FOXO1: variants seen among roughly 807,000 people sequenced by gnomAD.
The protein encoded by FOXO1 is forkhead box O1.
A neutral mutation model predicts 44.1 loss-of-function variants in FOXO1; 6 were observed. The ratio of observed to expected loss-of-function variants is 0.14; its 90% CI spans 0.07 to 0.27. The LOEUF (loss-of-function observed/expected upper bound fraction) is 0.27, where lower values mean the gene tolerates loss of function less well. Among genes scored for constraint, FOXO1 ranks in the 10% least tolerant of loss-of-function variants. The pLI is 1.00. For synonymous variants in FOXO1, 380 were observed against 362.7 expected, an observed-to-expected ratio of 1.05 and a Z score of -0.54; for missense variants, 737 against 888.8, an observed-to-expected ratio of 0.83 and a Z score of 2.17.
chr13:40,578,083 T>A (rs1874828322), intron 1 of FOXO1, among the ~76,000 whole-genome samples: 1 of 152,122 alleles, frequency 6.6e-6, no homozygotes. Context: ...TCAATTGCCA[T>A]CTAGTAAAAG....
At chr13:40,566,869 A>G (rs1224946784) in intron 1 of FOXO1, among the ~76,000 whole-genome samples, 1 of 152,208 alleles carries the variant, frequency 6.6e-6, no homozygotes, top group Non-Finnish European at 1.5e-5. Flanking sequence ...TGAAGGCCCA[A>G]TAAAGATGAT....
In FOXO1 at chr13:40,664,269, C is replaced by T. The variant is rs61224310; in HGVS notation, c.630+1314G>A. Among the ~76,000 whole-genome samples, 866 of 152,320 alleles carry T rather than the reference C, an allele frequency of 5.7e-3. 7 individuals are homozygous for T. Among genetic ancestry groups the T allele is most frequent in the African/African-American group, 0.02 (828 of 41,574 alleles). ...GCCTGGCGACAGAGCGAGACTCCGT[C>T]TCGGAGGAGGGGAGGGAGGTGTTTA... is the stretch of plus-strand genomic sequence containing the variant. On this transcript the variant is annotated intron_variant, in intron 1 of 2. Transcript: ENST00000379561.
At position 40,666,252 on chromosome 13, in the gene FOXO1, A is replaced by G; in HGVS notation, c.-40T>C. ...CTCCCCCAGCCGCAGGAGAGCCAAG[A>G]GGGGGAGAACGCAGCACTGGGGGCG... On this transcript the variant is annotated 5_prime_UTR_variant, in exon 1 of 3. Coordinates refer to ENST00000379561, the MANE Select transcript of FOXO1 (RefSeq NM_002015.4). 1 of 1,359,752 alleles carries G rather than the reference A, an allele frequency of 7.4e-7. No homozygotes were observed. Among genetic ancestry groups the G allele is most frequent in the Non-Finnish European group, 9.5e-7 (1 of 1,055,316 alleles). The allele number at this position is 1,359,752 out of a possible 1,614,324, so 84.2% of individuals were successfully genotyped here.
intron 1 of FOXO1, among the ~76,000 whole-genome samples, chr13:40,630,252 G>A (rs908425540): frequency 4.6e-5 from 7 of 152,050 alleles, no homozygotes; most frequent in Admixed American, 1.3e-4. Flanking sequence ...AGAAAATCTC[G>A]GTGTCGTTTA....
At chr13:40,664,731 C>G (rs1878162727) in intron 1 of FOXO1, among the ~76,000 whole-genome samples, 1 of 152,162 alleles carries the variant, frequency 6.6e-6, no homozygotes, top group African/African-American at 2.4e-5. Flanking sequence ...CATGGAGAAA[C>G]GCTGGCCCCA....
At chr13:40,569,848 T>C (rs1391354583) in intron 1 of FOXO1, among the ~76,000 whole-genome samples, 1 of 152,108 alleles carries the variant, frequency 6.6e-6, no homozygotes, top group Non-Finnish European at 1.5e-5. Context: ...TGGCCTCAAC[T>C]GATCCTCCCA....
chr13:40,580,286 G>A (rs1229221042), intron 1 of FOXO1, among the ~76,000 whole-genome samples: 1 of 152,070 alleles, frequency 6.6e-6, no homozygotes, highest in Non-Finnish European at 1.5e-5. Context: ...CAAATAATAA[G>A]TTGTAGTTTG....
intron 1 of FOXO1, among the ~76,000 whole-genome samples, chr13:40,601,624 T>C (rs1332726440): frequency 6.6e-6 from 1 of 152,238 alleles, no homozygotes; most frequent in Admixed American, 6.5e-5. Context: ...ATATTGATCC[T>C]GCAATATAAT....
At chr13:40,650,438 G>A (rs1453937117) in intron 1 of FOXO1, among the ~76,000 whole-genome samples, 1 of 152,198 alleles carries the variant, frequency 6.6e-6, no homozygotes, top group Non-Finnish European at 1.5e-5. Flanking sequence ...TCAAAATGGA[G>A]TTGCTCTGGT....
At chr13:40,633,720 T>C (rs980614928) in intron 1 of FOXO1, among the ~76,000 whole-genome samples, 4 of 152,300 alleles carry the variant, frequency 2.6e-5, no homozygotes, top group South Asian at 2.1e-4. Flanking sequence ...AACTATTGAA[T>C]TGTACTCTTT....
At chr13:40,570,315 A>T (rs998172470) in intron 1 of FOXO1, among the ~76,000 whole-genome samples, 38 of 152,002 alleles carry the variant, frequency 2.5e-4, no homozygotes, top group African/African-American at 8.2e-4. Flanking sequence ...TCTCCAAAAA[A>T]AAAAATAAAA....
rs913937224 is a variant in FOXO1, at chr13:40,608,029, G to A, written c.631-47169C>T. On this transcript the variant is annotated intron_variant, in intron 1 of 2. Transcript: ENST00000379561. Reference sequence around the variant, plus strand: ...ATGTCTCTCATGGTGTGTTACATTCGGTCCAACATCCATATGAAAAACTGA... The same window carrying A: ...ATGTCTCTCATGGTGTGTTACATTCAGTCCAACATCCATATGAAAAACTGA... 1.1e-4 allele frequency among the ~76,000 whole-genome samples: 14 copies of A among 128,018 alleles called. No homozygotes were observed. In the Admixed American group the frequency reaches 1.1e-3, roughly 10 times the overall value. 84.0% of individuals were successfully genotyped at this position (128,018 alleles called of 152,430 possible). A position where few individuals can be genotyped will look rare whatever the true frequency, so the allele number is the denominator to read the frequency against.
intron 1 of FOXO1, among the ~76,000 whole-genome samples, chr13:40,569,159 T>C (rs945913378): frequency 6.6e-6 from 1 of 152,232 alleles, no homozygotes; most frequent in Non-Finnish European, 1.5e-5. Context: ...TAGGAGATTA[T>C]GCTTGCATGT....
At chr13:40,591,804 C>G (rs982012029) in intron 1 of FOXO1, among the ~76,000 whole-genome samples, 1 of 152,104 alleles carries the variant, frequency 6.6e-6, no homozygotes, top group African/African-American at 2.4e-5. Context: ...CAGGTCCAAG[C>G]AATTCTCATA....
intron 1 of FOXO1, among the ~76,000 whole-genome samples, chr13:40,594,676 C>T (rs1019328119): frequency 1.3e-5 from 2 of 152,246 alleles, no homozygotes; most frequent in East Asian, 1.9e-4. Flanking sequence ...TTCTCTCCTC[C>T]ATGCCATCTA....
chr13:40,664,456 G>T (rs550530917), intron 1 of FOXO1, among the ~76,000 whole-genome samples: 3 of 151,972 alleles, frequency 2.0e-5, no homozygotes, highest in African/African-American at 4.8e-5. Context: ...CTGCCCCCAC[G>T]CTAAGTCTCT....
intron 1 of FOXO1, among the ~76,000 whole-genome samples, chr13:40,592,403 A>G (rs1875409829): frequency 6.6e-6 from 1 of 152,228 alleles, no homozygotes; most frequent in East Asian, 1.9e-4. Context: ...AGTTACCTTA[A>G]ATTATTAAAA....
chr13:40,581,287 T>G (rs1176224817), intron 1 of FOXO1, among the ~76,000 whole-genome samples: 1 of 152,202 alleles, frequency 6.6e-6, no homozygotes, highest in African/African-American at 2.4e-5. Flanking sequence ...CTGGAACACA[T>G]GCCTTCACCT....
chr13:40,624,317 T>TAAAAAAAAAA (rs10552634), intron 1 of FOXO1, among the ~76,000 whole-genome samples: 1 of 100,952 alleles, frequency 9.9e-6, no homozygotes, highest in Non-Finnish European at 2.1e-5. Context: ...TAATACTGCT[T>TAAAAAAAAAA]AAAAAAAAAA....
Sources: gnomAD v4.1 joint callset for allele counts (sites outside exome capture counted in the v4.1 genomes callset) on GRCh38, gnomAD v4.1.1 for gene constraint, MANE v1.5 for transcripts, NCBI Gene and HGNC (gene_info 2026-07-23, HGNC 2026-07-21) for gene names.